The following TPP2 variants were observed in gnomAD, a reference collection of about 807,000 sequenced individuals.
TPP2 encodes the protein tripeptidyl-peptidase 2.
A neutral mutation model predicts 155.9 loss-of-function variants in TPP2; 34 were observed. That is an observed-to-expected ratio of 0.22 (90% confidence interval 0.17 to 0.29). TPP2 has a LOEUF of 0.29. Ranked by LOEUF, TPP2 falls within the 10% of genes least tolerant of loss-of-function variation. The probability of loss-of-function intolerance (pLI) is 1.00; values close to 1 mark genes in which losing one functional copy is unlikely to be tolerated. For synonymous variants in TPP2, 510 were observed against 529.4 expected, an observed-to-expected ratio of 0.96 and a Z score of 0.50; for missense variants, 1,028 against 1,522.3, an observed-to-expected ratio of 0.68 and a Z score of 5.40.
rs779883156 is a variant in TPP2 at position 102,597,021 on chromosome 13, G to C, written c.-18G>C. On this transcript the variant is annotated 5_prime_UTR_variant, in exon 1 of 30. Transcript: ENST00000376052. ...CAGCCTGGCAGTTTGCCGCTTCCTC[G>C]TCCTCCATCCTGCGTCCATGGCCAC... The C allele has an allele frequency of 6.2e-7, 1 of 1,610,206 alleles. No homozygotes were observed. Among genetic ancestry groups the C allele is most frequent in the Non-Finnish European group, 8.5e-7 (1 of 1,178,790 alleles).
chr13:102,613,468 T>C (rs1349056813), intron 2 of TPP2, among the ~76,000 whole-genome samples: 3 of 152,234 alleles, frequency 2.0e-5, no homozygotes, highest in Admixed American at 6.5e-5. Flanking sequence ...TGATCATTCA[T>C]GTTGGTTGAT....
At chr13:102,616,315 A>G (rs1020715497) in intron 3 of TPP2, 81 bp from the exon 4 acceptor site, 8 of 1,162,324 alleles carry the variant, frequency 6.9e-6, no homozygotes, top group African/African-American at 1.5e-5. Flanking sequence ...CTGTACCAAC[A>G]AAGTCCACAT....
intron 2 of TPP2, among the ~76,000 whole-genome samples, chr13:102,613,718 TTC>T (rs1282987720): frequency 2.6e-5 from 4 of 152,216 alleles, no homozygotes; most frequent in Non-Finnish European, 4.4e-5. Context: ...CTGCTTTGCT[TTC>T]TCTGTTTGTA....
chr13:102,626,158 C>A (rs542664833), intron 6 of TPP2, among the ~76,000 whole-genome samples: 2 of 152,304 alleles, frequency 1.3e-5, no homozygotes, highest in East Asian at 3.9e-4. Flanking sequence ...ATCCTGATCT[C>A]CATTGCCACA....
chr13:102,672,416 G>C (rs1056311115), intron 27 of TPP2, among the ~76,000 whole-genome samples: 2 of 152,144 alleles, frequency 1.3e-5, no homozygotes, highest in Admixed American at 6.5e-5. Flanking sequence ...ACATTCCATT[G>C]TTATCTGCCG....
chr13:102,670,403 A>C lies in TPP2; in HGVS notation c.3372-3880A>C, dbSNP rs572302777. On this transcript the variant is annotated intron_variant, in intron 27 of 29. Coordinates refer to ENST00000376052, the MANE Select transcript of TPP2 (RefSeq NM_001330588.2). ...CAACTGATTGCATCATCTGCGGCCT[A>C]AATAGATGGTTTTACTAACTAGCTG... 2.6e-5 allele frequency among the ~76,000 whole-genome samples: 4 copies of C among 152,320 alleles called. No individual in the cohort carries two copies. The South Asian group carries it at 8.3e-4, about 32-fold the overall frequency.
chr13:102,634,233 A>G lies in TPP2; in HGVS notation c.1393+135A>G, dbSNP rs1882217290. The G allele has an allele frequency of 3.4e-6, 4 of 1,181,520 alleles. No individual in the cohort carries two copies. The South Asian group carries it at 6.2e-5, about 18-fold the overall frequency. 73.2% of individuals were successfully genotyped at this position (1,181,520 alleles called of 1,614,324 possible). ...TAGAGTTTAAGGTAACGAATAACTT[A>G]TGTGATAATGATAATTTGAATGTGT... On this transcript the variant is annotated intron_variant, in intron 11 of 29. Coordinates refer to ENST00000376052, the MANE Select transcript of TPP2 (RefSeq NM_001330588.2).
intron 27 of TPP2, among the ~76,000 whole-genome samples, chr13:102,673,606 A>G (rs1043602953): frequency 6.6e-6 from 1 of 152,236 alleles, no homozygotes; most frequent in African/African-American, 2.4e-5. Flanking sequence ...CCCTGGATCA[A>G]GGCAATGTGC....
At position 102,665,007 on chromosome 13, in the gene TPP2, A is replaced by T. The variant is rs1884496032; in HGVS notation, c.3371+82A>T. 3 of 1,519,152 alleles carry T rather than the reference A, an allele frequency of 2.0e-6. No homozygotes were observed. Among genetic ancestry groups the T allele is most frequent in the East Asian group, 4.6e-5 (2 of 43,762 alleles). The allele number at this position is 1,519,152 out of a possible 1,614,324, so 94.1% of individuals were successfully genotyped here. ...AAAGTAGGGACTAATATTATAGAGG[A>T]TATTGCTTTTCTGATGTTTGTTATA... On this transcript the variant is annotated intron_variant, in intron 27 of 29. Coordinates refer to ENST00000376052, the MANE Select transcript of TPP2 (RefSeq NM_001330588.2).
intron 3 of TPP2, 48 bp downstream of exon 3, chr13:102,614,244 T>C: frequency 7.7e-6 from 11 of 1,430,828 alleles, no homozygotes; most frequent in Non-Finnish European, 6.7e-6. Context: ...TGACTTGTCT[T>C]CTTCCTCAGA....
intron 9 of TPP2, 97 bp from the exon 10 acceptor site, chr13:102,629,999 G>T: frequency 1.1e-6 from 1 of 938,598 alleles, no homozygotes; most frequent in South Asian, 1.5e-5. Context: ...GAGAGGACTG[G>T]TGTTGAGAGA....
chr13:102,647,476 G>A (rs961610913), intron 21 of TPP2, 132 bp downstream of exon 21: 2 of 1,151,788 alleles, frequency 1.7e-6, no homozygotes, highest in African/African-American at 3.1e-5. Flanking sequence ...TAGTACTTTT[G>A]CAAACTGTGA....
chr13:102,678,453 A>G lies in TPP2; in HGVS notation c.*137A>G. Reference sequence around the variant, plus strand: ...CTGATTATTAAAATGACATGTATTTATCAGAGAATTCACTGACGTGTGGCT... The same window carrying G: ...CTGATTATTAAAATGACATGTATTTGTCAGAGAATTCACTGACGTGTGGCT... On this transcript the variant is annotated 3_prime_UTR_variant, in exon 30 of 30. Coordinates refer to ENST00000376052, the MANE Select transcript of TPP2 (RefSeq NM_001330588.2). The G allele has an allele frequency of 1.5e-6, 1 of 677,126 alleles. No individual in the cohort carries two copies. 41.9% of individuals were successfully genotyped at this position (677,126 alleles called of 1,614,324 possible). A position where few individuals can be genotyped will look rare whatever the true frequency, so the allele number is the denominator to read the frequency against.
chr13:102,644,354 ATAAC>A (rs1233636816), intron 17 of TPP2, among the ~76,000 whole-genome samples, 199 bp from the exon 18 acceptor site: 2 of 152,170 alleles, frequency 1.3e-5, no homozygotes, highest in African/African-American at 4.8e-5. Flanking sequence ...TTATGAGTAA[ATAAC>A]TATGTATATT....
At chr13:102,652,486 T>G (rs1883586389) in intron 24 of TPP2, among the ~76,000 whole-genome samples, 1 of 142,186 alleles carries the variant, frequency 7.0e-6, no homozygotes, top group Non-Finnish European at 1.5e-5. Context: ...AGCTTTCTGG[T>G]GAAGACGTGC....
intron 6 of TPP2, among the ~76,000 whole-genome samples, chr13:102,626,455 A>G (rs1336735054): frequency 6.6e-6 from 1 of 152,220 alleles, no homozygotes; most frequent in Non-Finnish European, 1.5e-5. Context: ...CAGTGTTGCC[A>G]TGAACATTTT....
chr13:102,664,159 T>C (rs1884433420), intron 26 of TPP2, among the ~76,000 whole-genome samples: 1 of 152,188 alleles, frequency 6.6e-6, no homozygotes, highest in African/African-American at 2.4e-5. Flanking sequence ...ATGGACCAGT[T>C]CTCATTATTC....
intron 27 of TPP2, among the ~76,000 whole-genome samples, chr13:102,671,807 G>T (rs1397440198): frequency 1.3e-5 from 2 of 152,136 alleles, no homozygotes; most frequent in African/African-American, 4.8e-5. Context: ...TGAGGGAGAA[G>T]GGGGAGGAAC....
intron 9 of TPP2, 57 bp downstream of exon 9, chr13:102,629,666 A>G (rs1454015873): frequency 2.2e-5 from 34 of 1,528,762 alleles, no homozygotes; most frequent in Non-Finnish European, 2.7e-5. Flanking sequence ...AAAAAACAAT[A>G]GTTAATGAAA....
Sources: allele counts gnomAD v4.1 joint callset (sites outside exome capture counted in the v4.1 genomes callset), GRCh38; gene constraint gnomAD v4.1.1; transcripts MANE v1.5; gene names NCBI Gene and HGNC (gene_info 2026-07-23, HGNC 2026-07-21).